LYPD6B: variants seen among roughly 807,000 people sequenced by gnomAD.
LYPD6B encodes the protein LY6/PLAUR domain containing 6B.
In LYPD6B, 17 loss-of-function variants were observed where a neutral mutation model predicts 22.8. The observed-to-expected ratio is 0.75, with a 90% CI of 0.51 to 1.12. The LOEUF is 1.12. Ranked by LOEUF, LYPD6B falls within the 50% of genes most tolerant of loss-of-function variation. The pLI is 0.00. For synonymous variants in LYPD6B, 106 were observed against 91.6 expected, an observed-to-expected ratio of 1.16 and a Z score of -0.90; for missense variants, 221 against 258.3, an observed-to-expected ratio of 0.86 and a Z score of 0.99.
At chr2:149,044,149 C>T (rs1683206679) in intron 1 of LYPD6B, among the ~76,000 whole-genome samples, 1 of 151,884 alleles carries the variant, frequency 6.6e-6, no homozygotes, top group Admixed American at 6.6e-5. Context: ...ATTAGTTTGT[C>T]AATATCTACA....
intron 2 of LYPD6B, chr2:149,160,485 A>G (rs898967010): frequency 1.5e-5 from 8 of 542,040 alleles, no homozygotes; most frequent in Non-Finnish European, 2.5e-5. Context: ...GATGAGGTGT[A>G]TGATTTCACC....
chr2:149,091,885 A>G (rs1439063705), intron 1 of LYPD6B, among the ~76,000 whole-genome samples: 1 of 152,196 alleles, frequency 6.6e-6, no homozygotes, highest in African/African-American at 2.4e-5. Flanking sequence ...TTTGAGGACT[A>G]CTGCTATAGA....
intron 1 of LYPD6B, among the ~76,000 whole-genome samples, chr2:149,066,676 G>C (rs533517511): frequency 6.6e-6 from 1 of 152,066 alleles, no homozygotes; most frequent in South Asian, 2.1e-4. Context: ...TTGAGCAACT[G>C]TTGTGTATAT....
rs138794753 is a variant in LYPD6B, at chr2:149,181,903, G to A, written c.77+21068G>A. On this transcript the variant is annotated intron_variant, in intron 3 of 6. Coordinates refer to ENST00000409642, the MANE Select transcript of LYPD6B (RefSeq NM_177964.5). The stretch of plus-strand genomic sequence containing the variant: ...ATTCTTCTTTCTTCTCCCTCCCATG[G>A]CAAGGAAAAGGCAGCATGGTATGGC... Among the ~76,000 whole-genome samples, 202 of 152,124 alleles carry A rather than the reference G, an allele frequency of 1.3e-3. 3 individuals are homozygous for A. The East Asian group carries it at 0.025, about 19-fold the overall frequency.
intron 1 of LYPD6B, among the ~76,000 whole-genome samples, chr2:149,074,668 AAGGGAGGTT>A (rs1285131942): frequency 6.6e-6 from 1 of 152,234 alleles, no homozygotes; most frequent in East Asian, 1.9e-4. Context: ...TAGCTAAATG[AAGGGAGGTT>A]CCCTCTTTGA....
intron 5 of LYPD6B, among the ~76,000 whole-genome samples, chr2:149,211,951 A>G (rs1559082869): frequency 1.3e-5 from 2 of 152,262 alleles, no homozygotes; most frequent in South Asian, 4.1e-4. Flanking sequence ...AGCTGGGTAG[A>G]AATGAGGTAC....
chr2:149,146,664 G>C (rs943049162), intron 2 of LYPD6B, among the ~76,000 whole-genome samples: 6 of 152,124 alleles, frequency 3.9e-5, no homozygotes, highest in South Asian at 2.1e-4. Flanking sequence ...TCTCAGTTTA[G>C]ACAGTCTTGG....
chr2:149,193,300 T>A (rs1348021086), intron 3 of LYPD6B, among the ~76,000 whole-genome samples: 1 of 152,160 alleles, frequency 6.6e-6, no homozygotes, highest in Admixed American at 6.6e-5. Flanking sequence ...TACATGCCAC[T>A]ACTTTTAAAG....
At chr2:149,165,695 A>T (rs2105904637) in intron 3 of LYPD6B, among the ~76,000 whole-genome samples, 1 of 152,314 alleles carries the variant, frequency 6.6e-6, no homozygotes, top group South Asian at 2.1e-4. Flanking sequence ...CGGTTAAGCA[A>T]CTTCCCTCGA....
chr2:149,142,095 A>C (rs561978201), intron 2 of LYPD6B: 1 of 152,230 alleles, frequency 6.6e-6, no homozygotes, highest in South Asian at 2.1e-4. Flanking sequence ...GCTGCATATT[A>C]GAAACTTCTG....
chr2:149,130,697 A>G (rs1326102068), intron 1 of LYPD6B, among the ~76,000 whole-genome samples, 186 bp from the exon 2 acceptor site: 1 of 152,148 alleles, frequency 6.6e-6, no homozygotes, highest in Non-Finnish European at 1.5e-5. Context: ...CTACCCAAGG[A>G]CAAGAGGCCA....
chr2:149,192,279 C>T (rs533893475), intron 3 of LYPD6B, among the ~76,000 whole-genome samples: 19 of 152,214 alleles, frequency 1.2e-4, no homozygotes, highest in South Asian at 6.2e-4. Flanking sequence ...ATTTACCTAA[C>T]GACATATTTT....
intron 1 of LYPD6B, among the ~76,000 whole-genome samples, chr2:149,056,259 G>A (rs540474508): frequency 4.6e-5 from 7 of 152,176 alleles, no homozygotes; most frequent in Non-Finnish European, 1.0e-4. Context: ...GGTGCCCACT[G>A]TATGCTTCAG....
At position 149,055,424 on chromosome 2, in the gene LYPD6B, C is replaced by A. The variant is rs114039198; in HGVS notation, c.-67+16623C>A. The stretch of plus-strand genomic sequence containing the variant: ...GCTTGTTAATTTCTACCAAAAAGGC[C>A]AGCTGGAATTGTGCTAGAGGTTGCA... On this transcript the variant is annotated intron_variant, in intron 1 of 6. Transcript: ENST00000409642. 2.4e-3 allele frequency among the ~76,000 whole-genome samples: 369 copies of A among 152,262 alleles called. 3 individuals are homozygous for A. Among genetic ancestry groups the A allele is most frequent in the African/African-American group, 8.5e-3 (355 of 41,552 alleles).
At chr2:149,086,440 C>T (rs1218203353) in intron 1 of LYPD6B, among the ~76,000 whole-genome samples, 4 of 152,132 alleles carry the variant, frequency 2.6e-5, no homozygotes, top group Non-Finnish European at 5.9e-5. Context: ...GTTGAGCAGC[C>T]GTGGTCCCAT....
In LYPD6B at chr2:149,214,529, C is replaced by T. The variant is rs1287370340; in HGVS notation, c.460-17C>T. 7 of 1,611,936 alleles carry T rather than the reference C, an allele frequency of 4.3e-6. No homozygotes were observed. The highest frequency in any genetic ancestry group is 5.9e-6 in the Non-Finnish European group (7 of 1,178,276). On this transcript the variant is annotated splice_polypyrimidine_tract_variant and intron_variant, in intron 6 of 6. Transcript: ENST00000409642. ...TCTATTATTCACTGTCATTTCCTCT[C>T]TCCTTTTTTGTAACAGGAGTGTAGG...
intron 1 of LYPD6B, among the ~76,000 whole-genome samples, chr2:149,066,931 A>T (rs1276105714): frequency 6.6e-6 from 1 of 152,130 alleles, no homozygotes; most frequent in African/African-American, 2.4e-5. Context: ...GATAGTACCC[A>T]ATAGTTAGCT....
At chr2:149,074,777 A>G (rs766259539) in intron 1 of LYPD6B, among the ~76,000 whole-genome samples, 7 of 151,952 alleles carry the variant, frequency 4.6e-5, no homozygotes, top group African/African-American at 7.3e-5. Flanking sequence ...TTGAGCTTCC[A>G]GAATATCCTA....
chr2:149,142,827 T>G (rs563262143), intron 2 of LYPD6B, among the ~76,000 whole-genome samples: 17 of 152,282 alleles, frequency 1.1e-4, no homozygotes, highest in African/African-American at 4.1e-4. Flanking sequence ...AACTAAGTAT[T>G]TTTTTAATCG....
Sources: gnomAD v4.1 joint callset for allele counts (sites outside exome capture counted in the v4.1 genomes callset) on GRCh38, gnomAD v4.1.1 for gene constraint, MANE v1.5 for transcripts, NCBI Gene and HGNC (gene_info 2026-07-23, HGNC 2026-07-21) for gene names.